Variants in MTUS2 observed in about 807,000 individuals in gnomAD.
The protein encoded by MTUS2 is microtubule-associated tumor suppressor candidate 2.
In MTUS2, 40 loss-of-function variants were observed where a neutral mutation model predicts 114.1. The observed-to-expected ratio is 0.35, with a 90% CI of 0.27 to 0.46. The LOEUF (loss-of-function observed/expected upper bound fraction) is 0.46, where lower values mean the gene tolerates loss of function less well. Ranked by LOEUF, MTUS2 falls within the 20% of genes least tolerant of loss-of-function variation. MTUS2 has a pLI of 1.00. For synonymous variants in MTUS2, 688 were observed against 672.0 expected (o/e 1.02, Z -0.37); for missense variants, 1,679 against 1,705.4 (o/e 0.98, Z 0.27).
At position 29,503,770 on chromosome 13, in the gene MTUS2, G is replaced by A. The variant is rs1883066578; in HGVS notation, c.*564G>A. 8.5e-6 allele frequency: 2 copies of A among 235,382 alleles called. No individual in the cohort carries two copies. Among genetic ancestry groups the A allele is most frequent in the Admixed American group, 5.2e-5 (1 of 19,266 alleles). The allele number at this position is 235,382 out of a possible 1,614,324, so 14.6% of individuals were successfully genotyped here. On this transcript the variant is annotated 3_prime_UTR_variant, in exon 16 of 16. Coordinates refer to ENST00000612955, the MANE Select transcript of MTUS2 (RefSeq NM_001033602.4). Reference sequence around the variant, plus strand: ...AAAAAAAAAGATACAGAGAAGAAGCGCCTTTCAACTCACCACCAAGTGGTA... The same window carrying A: ...AAAAAAAAAGATACAGAGAAGAAGCACCTTTCAACTCACCACCAAGTGGTA...
intron 2 of MTUS2, among the ~76,000 whole-genome samples, chr13:28,941,662 T>C (rs1283248776): frequency 1.3e-5 from 2 of 152,124 alleles, no homozygotes; most frequent in East Asian, 1.9e-4. Context: ...TTCACAAAAG[T>C]GTATAGTTAG....
intron 11 of MTUS2, chr13:29,490,195 T>C (rs953719097): frequency 6.6e-6 from 1 of 152,182 alleles, no homozygotes; most frequent in Non-Finnish European, 1.5e-5. Context: ...ATCAATGAAA[T>C]CAACACAAAC....
chr13:29,457,018 A>G (rs1453107626), intron 9 of MTUS2, among the ~76,000 whole-genome samples: 3 of 151,308 alleles, frequency 2.0e-5, no homozygotes, highest in Non-Finnish European at 2.9e-5. Flanking sequence ...GGTGGCAGGC[A>G]CCTGTAGTCC....
chr13:29,490,795 T>C (rs777419779), intron 11 of MTUS2, among the ~76,000 whole-genome samples: 3 of 152,276 alleles, frequency 2.0e-5, no homozygotes, highest in South Asian at 2.1e-4. Context: ...GCAGCTCCGC[T>C]GCTTTCCTCA....
chr13:29,497,546 C>T lies in MTUS2; in HGVS notation c.3678+210C>T, dbSNP rs571617779. On this transcript the variant is annotated intron_variant, in intron 13 of 15. Transcript: ENST00000612955. ...CAGCAGCTGTGGGTTTCTCCAGCTA[C>T]GTGTTATTTTTGCCAAATTCCACAG... 3.7e-4 allele frequency: 218 copies of T among 581,362 alleles called. 2 individuals are homozygous for T. The South Asian group carries it at 3.8e-3, about 10-fold the overall frequency. The allele number at this position is 581,362 out of a possible 1,614,324, so 36.0% of individuals were successfully genotyped here.
At chr13:29,119,238 C>A (rs993339109) in intron 5 of MTUS2, among the ~76,000 whole-genome samples, 9 of 151,994 alleles carry the variant, frequency 5.9e-5, no homozygotes, top group Non-Finnish European at 8.8e-5. Context: ...CACATTGGAC[C>A]TGATTAACTG....
intron 4 of MTUS2, among the ~76,000 whole-genome samples, chr13:29,038,419 T>C (rs1391194775): frequency 4.6e-5 from 7 of 152,220 alleles, no homozygotes; most frequent in Non-Finnish European, 1.0e-4. Context: ...GGAAGCTTTG[T>C]CCCAGAGGGT....
chr13:29,046,593 A>G (rs1055364469), intron 4 of MTUS2, among the ~76,000 whole-genome samples: 10 of 152,222 alleles, frequency 6.6e-5, no homozygotes, highest in South Asian at 6.2e-4. Flanking sequence ...TGCCTTCACT[A>G]GAAACCCTTC....
chr13:28,956,490 C>G lies in MTUS2; in HGVS notation c.-242-67967C>G, dbSNP rs531383882. ...TCCCAGTAAAACTTGGTTGGCTTCC[C>G]CACCAAAGCCTCTTTTTTCAAAAAG... On this transcript the variant is annotated intron_variant, in intron 2 of 15. Transcript: ENST00000612955. Among the ~76,000 whole-genome samples the G allele has an allele frequency of 6.6e-5, 10 of 152,252 alleles. No homozygotes were observed. The East Asian group carries it at 1.9e-3, about 29-fold the overall frequency.
chr13:29,278,189 G>T (rs1898135924), intron 5 of MTUS2, among the ~76,000 whole-genome samples: 2 of 152,112 alleles, frequency 1.3e-5, no homozygotes, highest in African/African-American at 4.8e-5. Flanking sequence ...TGTGAAAACA[G>T]AACTTTAAAA....
At chr13:29,175,532 T>C (rs975236964) in intron 5 of MTUS2, among the ~76,000 whole-genome samples, 1 of 152,224 alleles carries the variant, frequency 6.6e-6, no homozygotes, top group East Asian at 1.9e-4. Flanking sequence ...TGTGTAGATA[T>C]CTGTCATTAC....
intron 8 of MTUS2, among the ~76,000 whole-genome samples, chr13:29,384,149 G>A (rs1009651957): frequency 9.2e-5 from 14 of 152,194 alleles, no homozygotes; most frequent in African/African-American, 3.1e-4. Flanking sequence ...AATATATCTG[G>A]AGAAAGGTAG....
At chr13:29,021,430 C>T (rs1294608871) in intron 2 of MTUS2, among the ~76,000 whole-genome samples, 2 of 152,232 alleles carry the variant, frequency 1.3e-5, no homozygotes, top group Admixed American at 1.3e-4. Flanking sequence ...CTCTTTCTAG[C>T]ATGACATTGG....
intron 5 of MTUS2, among the ~76,000 whole-genome samples, chr13:29,126,129 C>T (rs1359317796): frequency 6.6e-6 from 1 of 152,092 alleles, no homozygotes; most frequent in African/African-American, 2.4e-5. Flanking sequence ...TCTCCATATA[C>T]CAAAAATGAG....
In MTUS2 at chr13:29,079,112, T is replaced by C. The variant is rs576406241; in HGVS notation, c.2447-21661T>C. ...TTGTCTGTCTTTTTAATTATAGCTG[T>C]CCTAATGAGTGTGTCATGGTATCTG... On this transcript the variant is annotated intron_variant, in intron 4 of 15. Transcript: ENST00000612955. 2.0e-5 allele frequency among the ~76,000 whole-genome samples: 3 copies of C among 152,306 alleles called. No homozygotes were observed. The South Asian group carries it at 6.2e-4, about 32-fold the overall frequency.
chr13:29,386,937 A>G (rs959703113), intron 8 of MTUS2, among the ~76,000 whole-genome samples: 19 of 152,114 alleles, frequency 1.2e-4, no homozygotes, highest in African/African-American at 4.6e-4. Flanking sequence ...CAGCCTCGCT[A>G]TTTGTGTCTG....
chr13:29,504,819 G>T lies in MTUS2; in HGVS notation c.*1613G>T. On this transcript the variant is annotated 3_prime_UTR_variant, in exon 16 of 16. Coordinates refer to ENST00000612955, the MANE Select transcript of MTUS2 (RefSeq NM_001033602.4). Reference sequence around the variant, plus strand: ...AGGCCTGTCTTTGAGCGTGCCCAAGGCGAGAAGAACCATGAGGGGGTCCTG... The same window carrying T: ...AGGCCTGTCTTTGAGCGTGCCCAAGTCGAGAAGAACCATGAGGGGGTCCTG... 8.6e-6 allele frequency: 2 copies of T among 233,042 alleles called. No individual in the cohort carries two copies. Among genetic ancestry groups the T allele is most frequent in the Non-Finnish European group, 1.7e-5 (2 of 117,880 alleles). 14.4% of individuals were successfully genotyped at this position (233,042 alleles called of 1,614,324 possible).
intron 2 of MTUS2, among the ~76,000 whole-genome samples, chr13:28,840,102 T>C (rs1055949048): frequency 1.3e-5 from 2 of 152,240 alleles, no homozygotes; most frequent in South Asian, 2.1e-4. Context: ...TTAGTGATTT[T>C]AAATTTGTAG....
At chr13:29,488,462 A>G (rs1881805338) in intron 11 of MTUS2, among the ~76,000 whole-genome samples, 2 of 121,762 alleles carry the variant, frequency 1.6e-5, no homozygotes, top group Non-Finnish European at 1.6e-5. Flanking sequence ...TTTTTTTGAG[A>G]CAGAGTCTCA....
Sources: gnomAD v4.1 joint callset for allele counts (sites outside exome capture counted in the v4.1 genomes callset) on GRCh38, gnomAD v4.1.1 for gene constraint, MANE v1.5 for transcripts, NCBI Gene and HGNC (gene_info 2026-07-23, HGNC 2026-07-21) for gene names.